Variants in SPTBN1 observed in about 807,000 individuals in gnomAD.
SPTBN1 encodes spectrin beta chain, non-erythrocytic 1.
A neutral mutation model predicts 266.4 loss-of-function variants in SPTBN1; 32 were observed. The observed-to-expected ratio is 0.12, with a 90% CI of 0.09 to 0.16. SPTBN1 has a LOEUF of 0.16. SPTBN1 is among the 10% of genes least tolerant of loss of function. SPTBN1 has a pLI of 1.00. For synonymous variants in SPTBN1, 1,336 were observed against 1,162.2 expected (o/e 1.15, Z -3.04); for missense variants, 2,296 against 3,067.1 (o/e 0.75, Z 5.94).
chr2:54,573,262 A>G lies in SPTBN1; in HGVS notation c.149-25830A>G, dbSNP rs189970294. ...CCAGGGACTGGTTTTGTAGAAGACA[A>G]TTTTTCCACAGATAGGGTGGAGGAA... is the stretch of plus-strand genomic sequence containing the variant. On this transcript the variant is annotated intron_variant, in intron 2 of 35. Coordinates refer to ENST00000356805, the MANE Select transcript of SPTBN1 (RefSeq NM_003128.3). Among the ~76,000 whole-genome samples, 95 of 152,150 alleles carry G rather than the reference A, an allele frequency of 6.2e-4. 1 individual carries two copies. The East Asian group carries it at 8.9e-3, about 14-fold the overall frequency.
chr2:54,604,955 C>T (rs889172343), intron 3 of SPTBN1, among the ~76,000 whole-genome samples: 3 of 152,174 alleles, frequency 2.0e-5, no homozygotes, highest in East Asian at 1.9e-4. Context: ...ACGTTAAGGG[C>T]GTTTCAGACT....
At position 54,631,178 on chromosome 2, in the gene SPTBN1, GGGA is replaced by G; in HGVS notation, c.3136_3138del (p.Glu1046del). 1 of 1,614,226 alleles carries G rather than the reference GGGA, an allele frequency of 6.2e-7. No homozygotes were observed. Among genetic ancestry groups the G allele is most frequent in the Non-Finnish European group, 8.5e-7 (1 of 1,180,042 alleles). ...CGGCTGGCCGAGATCAGCGACGTGT[GGGA>G]GGAGATGAAGACCACCCTGAAAAAC... On this transcript the variant is annotated inframe_deletion, in exon 16 of 36. Coordinates refer to ENST00000356805, the MANE Select transcript of SPTBN1 (RefSeq NM_003128.3).
intron 1 of SPTBN1, among the ~76,000 whole-genome samples, chr2:54,459,590 A>AT (rs1693251753): frequency 7.0e-6 from 1 of 142,476 alleles, no homozygotes; most frequent in South Asian, 2.2e-4. Context: ...CTTATAGAAC[A>AT]TTTTAAAGCC....
chr2:54,590,738 C>G (rs1196810952), intron 2 of SPTBN1, among the ~76,000 whole-genome samples: 2 of 152,130 alleles, frequency 1.3e-5, no homozygotes, highest in Non-Finnish European at 2.9e-5. Flanking sequence ...AGAGTAAGAC[C>G]TGTTAGGTTG....
At chr2:54,622,083 G>A (rs1337455777) in intron 8 of SPTBN1, among the ~76,000 whole-genome samples, 2 of 152,188 alleles carry the variant, frequency 1.3e-5, no homozygotes, top group Non-Finnish European at 2.9e-5. Flanking sequence ...CAGTTAAGCT[G>A]TCATTGCTCA....
chr2:54,632,340 T>G (rs1490612719), intron 16 of SPTBN1, among the ~76,000 whole-genome samples: 4 of 152,008 alleles, frequency 2.6e-5, no homozygotes, highest in Non-Finnish European at 5.9e-5. Context: ...CTTTCCTCAC[T>G]CTCTTTGGAA....
chr2:54,490,334 A>G (rs1253223906), intron 1 of SPTBN1, among the ~76,000 whole-genome samples: 1 of 152,140 alleles, frequency 6.6e-6, no homozygotes, highest in Non-Finnish European at 1.5e-5. Flanking sequence ...GACCTCCCAA[A>G]GTGCTAGGAG....
chr2:54,630,788 C>G (rs1255832560), intron 15 of SPTBN1, 67 bp from the exon 16 acceptor site: 2 of 1,496,122 alleles, frequency 1.3e-6, no homozygotes, highest in Admixed American at 2.3e-5. Flanking sequence ...CATCACTGTT[C>G]CTTTTGCAAT....
chr2:54,586,071 A>G (rs1675269867), intron 2 of SPTBN1, among the ~76,000 whole-genome samples: 1 of 152,204 alleles, frequency 6.6e-6, no homozygotes, highest in Non-Finnish European at 1.5e-5. Flanking sequence ...GGGGCTTGTC[A>G]GTATAAAATT....
intron 35 of SPTBN1, 108 bp downstream of exon 35, chr2:54,667,754 G>A (rs1254376186): frequency 2.9e-6 from 3 of 1,034,414 alleles, no homozygotes; most frequent in East Asian, 2.5e-5. Flanking sequence ...ATCAGTGATG[G>A]TTTCTATCAC....
Position 54,558,780 on chromosome 2 carries a change from T to C in SPTBN1, c.148+32214T>C, listed in dbSNP as rs373195525. On this transcript the variant is annotated intron_variant, in intron 2 of 35. Transcript: ENST00000356805. This position sits in a 1 kb window ranked among gnomAD's most constrained non-coding sequence, Gnocchi z 4.6. ...CTCCGGGGCGTTACGCCGGGCATAA[T>C]GGAATTGCAGAGGACGTCTAGTATC... The C allele has an allele frequency of 1.2e-6, 2 of 1,612,054 alleles. No homozygotes were observed. Among genetic ancestry groups the C allele is most frequent in the African/African-American group, 1.3e-5 (1 of 74,798 alleles).
rs1278315375 is a variant in SPTBN1 at position 54,653,783 on chromosome 2, A to T, written c.5752A>T (p.Ser1918Cys). The change falls in exon 27 of 36, where the codon AGC becomes TGC. Residue 1918 changes from serine to cysteine, a missense_variant. Physicochemically the swap from Ser to Cys is moderately radical, Grantham distance 112. Transcript: ENST00000356805. This position sits in a 1 kb window ranked among gnomAD's most constrained non-coding sequence, Gnocchi z 5.1. The part of the protein sequence containing the change: ...VDTGDKFRFF[S>C]MVRDLMLWME... ...CACAGGGGACAAGTTCCGCTTCTTC[A>T]GCATGGTGCGCGACCTCATGCTCTG... 9.3e-6 allele frequency: 15 copies of T among 1,614,124 alleles called. No homozygotes were observed. Among genetic ancestry groups the T allele is most frequent in the East Asian group, 2.2e-5 (1 of 44,900 alleles).
rs895815647 is a variant in SPTBN1 at position 54,645,146 on chromosome 2, C to G, written c.4270-83C>G. On this transcript the variant is annotated intron_variant, in intron 20 of 35. Transcript: ENST00000356805. The surrounding 1 kb of genome is among the most constrained non-coding windows in gnomAD (Gnocchi z 4.3). Reference sequence around the variant, plus strand: ...GGCTGGCTTTGCGGTGTGGCCAAGTCCCAGGCCCAGCAGTTCTGCTTAGAG... The same window carrying G: ...GGCTGGCTTTGCGGTGTGGCCAAGTGCCAGGCCCAGCAGTTCTGCTTAGAG... The G allele has an allele frequency of 6.7e-7, 1 of 1,488,840 alleles. No individual in the cohort carries two copies. The highest frequency in any genetic ancestry group is 9.2e-7 in the Non-Finnish European group (1 of 1,081,818). The allele number at this position is 1,488,840 out of a possible 1,614,324, so 92.2% of individuals were successfully genotyped here.
chr2:54,550,308 C>G (rs1469290697), intron 2 of SPTBN1, among the ~76,000 whole-genome samples: 1 of 152,184 alleles, frequency 6.6e-6, no homozygotes, highest in Non-Finnish European at 1.5e-5. Flanking sequence ...TAGCAAAGTC[C>G]TATGGCAGGG....
chr2:54,660,399 C>G (rs549997057), intron 32 of SPTBN1: 2 of 1,119,898 alleles, frequency 1.8e-6, no homozygotes, highest in African/African-American at 3.2e-5. Flanking sequence ...AAACTAGAAT[C>G]TAACAGGTAT....
At chr2:54,499,505 C>T (rs1252347330) in intron 1 of SPTBN1, among the ~76,000 whole-genome samples, 1 of 152,224 alleles carries the variant, frequency 6.6e-6, no homozygotes, top group Non-Finnish European at 1.5e-5. Context: ...TTGCTTTCAG[C>T]ACTTGCTAAA....
intron 1 of SPTBN1, among the ~76,000 whole-genome samples, chr2:54,459,512 A>T (rs1384878124): frequency 6.6e-6 from 1 of 152,200 alleles, no homozygotes; most frequent in African/African-American, 2.4e-5. Context: ...CATAGACATG[A>T]TTAGTGGAAA....
At chr2:54,580,725 A>G (rs1674836598) in intron 2 of SPTBN1, among the ~76,000 whole-genome samples, 1 of 152,198 alleles carries the variant, frequency 6.6e-6, no homozygotes, top group Non-Finnish European at 1.5e-5. Flanking sequence ...TTCCAAAAGT[A>G]CAGGCCTGGG....
At chr2:54,511,006 T>C (rs1669831615) in intron 1 of SPTBN1, among the ~76,000 whole-genome samples, 1 of 152,268 alleles carries the variant, frequency 6.6e-6, no homozygotes, top group Non-Finnish European at 1.5e-5. Flanking sequence ...TTCTGGAAAG[T>C]GTGGTGAGGT....
Sources: gnomAD v4.1 joint callset for allele counts (sites outside exome capture counted in the v4.1 genomes callset) on GRCh38, gnomAD v4.1.1 for gene constraint, Gnocchi (gnomAD v3.1) non-coding constraint, MANE v1.5 for transcripts, NCBI Gene and HGNC (gene_info 2026-07-23, HGNC 2026-07-21) for gene names.